The following RYR2 variants were observed in gnomAD, a reference collection of about 807,000 sequenced individuals.
The protein encoded by RYR2 is cardiac muscle ryanodine receptor-calcium release channel.
In RYR2, 227 loss-of-function variants were observed where a neutral mutation model predicts 601.1. The observed-to-expected ratio is 0.38, with a 90% confidence interval of 0.34 to 0.42. The LOEUF is 0.42. Among genes scored for constraint, RYR2 ranks in the 10% least tolerant of loss-of-function variants. The pLI is 1.00. For synonymous variants in RYR2, 2,223 were observed against 2,175.1 expected, an observed-to-expected ratio of 1.02 and a Z score of -0.61; for missense variants, 4,646 against 6,156.5, an observed-to-expected ratio of 0.75 and a Z score of 8.21.
chr1:237,173,173 C>CT (rs796477537), intron 1 of RYR2, among the ~76,000 whole-genome samples: 1,577 of 148,328 alleles, frequency 0.011, 10 homozygotes, highest in African/African-American at 0.028. Context: ...ACAAACTACT[C>CT]TTTTTTTTTT....
At chr1:237,269,057 T>TTTTTTTTTTTA (rs1689410141) in intron 1 of RYR2, among the ~76,000 whole-genome samples, 6 of 124,978 alleles carry the variant, frequency 4.8e-5, no homozygotes, top group African/African-American at 1.2e-4. Context: ...TTTTTTTTTT[T>TTTTTTTTTTTA]GTGAGACAGA....
intron 8 of RYR2, among the ~76,000 whole-genome samples, chr1:237,384,496 C>A (rs963296381): frequency 6.6e-6 from 1 of 152,262 alleles, no homozygotes; most frequent in Non-Finnish European, 1.5e-5. Flanking sequence ...CCCCTTATCA[C>A]ACATTCCCCT....
rs2149446568 is a variant in RYR2, at chr1:237,808,976, T to G, written c.14374T>G (p.Phe4792Val). Reference protein sequence around the residue: ...TVVAFNFFRKFYNKSEDGDTP... With the variant: ...TVVAFNFFRKVYNKSEDGDTP... ...GGTGGCATTCAATTTTTTCCGAAAATTCTACAATAAAAGTGAAGATGGTGA... is the reference window on the plus strand; with the variant it reads ...GGTGGCATTCAATTTTTTCCGAAAAGTCTACAATAAAAGTGAAGATGGTGA... The change falls in exon 100 of 105, where the codon TTC becomes GTC. Residue 4792 changes from phenylalanine (F) to valine (V), a missense_variant. By Grantham distance (50) the Phe-to-Val change is conservative. This residue lies in a region of RYR2 where 21 missense variants were observed against 24.8 expected (regional missense o/e 0.85). Coordinates refer to ENST00000366574, the MANE Select transcript of RYR2 (RefSeq NM_001035.3). 1 of 1,613,640 alleles carries G rather than the reference T, an allele frequency of 6.2e-7. No individual in the cohort carries two copies. The highest frequency in any genetic ancestry group is 1.1e-5 in the South Asian group (1 of 91,070).
chr1:237,380,439 G>A (rs1701409792), intron 8 of RYR2, among the ~76,000 whole-genome samples: 1 of 109,322 alleles, frequency 9.1e-6, no homozygotes, highest in Non-Finnish European at 1.8e-5. Context: ...ACGAAGTCTG[G>A]TGAGTATGAA....
chr1:237,387,211 T>A lies in RYR2; in HGVS notation c.577-70T>A, dbSNP rs1167031826. 4 of 1,360,188 alleles carry A rather than the reference T, an allele frequency of 2.9e-6. No homozygotes were observed. In the Admixed American group the frequency reaches 6.7e-5, roughly 23 times the overall value. 84.3% of individuals were successfully genotyped at this position (1,360,188 alleles called of 1,614,324 possible). ...CAAATCAGCAACGTTAAGTTTGCAT[T>A]CCTAGAAGCACTTACATGTTACAGC... On this transcript the variant is annotated intron_variant, in intron 8 of 104. Transcript: ENST00000366574.
chr1:237,103,134 T>C (rs577293633), intron 1 of RYR2, among the ~76,000 whole-genome samples: 1 of 152,320 alleles, frequency 6.6e-6, no homozygotes, highest in Admixed American at 6.5e-5. Flanking sequence ...TATGGATGTC[T>C]GAGGCCAGTA....
At chr1:237,808,687 AATAAAAT>A (rs1169810376) in intron 99 of RYR2, among the ~76,000 whole-genome samples, 2 of 151,818 alleles carry the variant, frequency 1.3e-5, no homozygotes, top group Non-Finnish European at 2.9e-5. Context: ...AATAAAATAA[AATAAAAT>A]AAAGTCTGAC....
At chr1:237,730,951 T>C (rs1299522710) in intron 77 of RYR2, among the ~76,000 whole-genome samples, 1 of 152,110 alleles carries the variant, frequency 6.6e-6, no homozygotes, top group East Asian at 1.9e-4. Context: ...TCAACAAAAT[T>C]TACAAGCCAT....
Position 237,148,553 on chromosome 1 carries a change from T to TATATATACAC in RYR2, c.48+105985_48+105986insTATATACACA, listed in dbSNP as rs71178397. On this transcript the variant is annotated intron_variant, in intron 1 of 104. Transcript: ENST00000366574. Reference sequence around the variant, plus strand: ...ATATATATATATATATATATATATATACACACACACATATATATATATATA... The same window carrying TATATATACAC: ...ATATATATATATATATATATATATATATATATACACACACACACACATATATATATATATA... 5.5e-3 allele frequency among the ~76,000 whole-genome samples: 577 copies of TATATATACAC among 105,382 alleles called. 2 individuals carry two copies. The highest frequency in any genetic ancestry group is 0.015 in the South Asian group (49 of 3,338). 69.1% of individuals were successfully genotyped at this position (105,382 alleles called of 152,430 possible). A position where few individuals can be genotyped will look rare whatever the true frequency, so the allele number is the denominator to read the frequency against.
In RYR2 at chr1:237,700,988, C is replaced by T. The variant is rs1250019394; in HGVS notation, c.9367+521C>T. 4.6e-5 allele frequency among the ~76,000 whole-genome samples: 7 copies of T among 152,198 alleles called. No homozygotes were observed. In the East Asian group the frequency reaches 1.4e-3, roughly 29 times the overall value. On this transcript the variant is annotated intron_variant, in intron 65 of 104. Coordinates refer to ENST00000366574, the MANE Select transcript of RYR2 (RefSeq NM_001035.3). ...GGAAGCTTTAATCTTCTGTTTTGGG[C>T]TGGCATTCAGTAGTTAATAAAACTA...
In RYR2 at chr1:237,785,221, C is replaced by T. The variant is rs181129363; in HGVS notation, c.13260+249C>T. Among the ~76,000 whole-genome samples, 333 of 152,252 alleles carry T rather than the reference C, an allele frequency of 2.2e-3. 2 individuals carry two copies. Among genetic ancestry groups the T allele is most frequent in the Non-Finnish European group, 3.4e-3 (228 of 68,020 alleles). ...TAACTGTAGCCTACATCTTTCTCCA[C>T]GTTTATATAATTTTATATGCACATT... is the stretch of plus-strand genomic sequence containing the variant. On this transcript the variant is annotated intron_variant, in intron 90 of 104. Coordinates refer to ENST00000366574, the MANE Select transcript of RYR2 (RefSeq NM_001035.3).
At chr1:237,107,287 T>A (rs2490346) in intron 1 of RYR2, among the ~76,000 whole-genome samples, 1 of 151,504 alleles carries the variant, frequency 6.6e-6, no homozygotes, top group East Asian at 2.0e-4. Flanking sequence ...TCTGGGAGGC[T>A]GAGGCGGGCG....
At chr1:237,048,035 C>T (rs1265362505) in intron 1 of RYR2, among the ~76,000 whole-genome samples, 1 of 152,196 alleles carries the variant, frequency 6.6e-6, no homozygotes, top group Non-Finnish European at 1.5e-5. Context: ...CTTCAAGCCT[C>T]TGTTTAGACT....
intron 34 of RYR2, among the ~76,000 whole-genome samples, chr1:237,601,022 C>A (rs868068131): frequency 3.2e-4 from 48 of 152,234 alleles, no homozygotes; most frequent in African/African-American, 1.1e-3. Context: ...TTATGAAAAA[C>A]AGTATGGAGG....
intron 22 of RYR2, among the ~76,000 whole-genome samples, chr1:237,504,196 T>TA (rs1558932933): frequency 6.6e-6 from 1 of 152,262 alleles, no homozygotes; most frequent in Admixed American, 6.5e-5. Flanking sequence ...AAGAGACTAC[T>TA]AAACAGGCTT....
At chr1:237,624,024 C>A (rs927377903) in intron 39 of RYR2, among the ~76,000 whole-genome samples, 154 bp downstream of exon 39, 3 of 152,096 alleles carry the variant, frequency 2.0e-5, no homozygotes, top group African/African-American at 7.2e-5. Context: ...GGCAAAATGG[C>A]AAAATAACTG....
At chr1:237,048,105 C>G (rs1660812403) in intron 1 of RYR2, among the ~76,000 whole-genome samples, 1 of 152,164 alleles carries the variant, frequency 6.6e-6, no homozygotes, top group Non-Finnish European at 1.5e-5. Context: ...GTTCGGTTCC[C>G]TAAGCGACTT....
At chr1:237,525,519 C>T (rs969766130) in intron 24 of RYR2, among the ~76,000 whole-genome samples, 5 of 151,864 alleles carry the variant, frequency 3.3e-5, no homozygotes, top group Non-Finnish European at 5.9e-5. Context: ...GGCATGATCT[C>T]GGCTGACTGA....
Position 237,042,333 on chromosome 1 carries a change from C to A in RYR2, c.-189C>A. 1 of 361,178 alleles carries A rather than the reference C, an allele frequency of 2.8e-6. No individual in the cohort carries two copies. The highest frequency in any genetic ancestry group is 4.4e-6 in the Non-Finnish European group (1 of 228,076). The allele number at this position is 361,178 out of a possible 1,614,324, so 22.4% of individuals were successfully genotyped here. A position where few individuals can be genotyped will look rare whatever the true frequency, so the allele number is the denominator to read the frequency against. The stretch of plus-strand genomic sequence containing the variant: ...AGGGAGGCCCCGCGCCTCGACCACC[C>A]GCGCCCGAGCGTCCGCGCCTCCTCC... On this transcript the variant is annotated 5_prime_UTR_variant, in exon 1 of 105. Coordinates refer to ENST00000366574, the MANE Select transcript of RYR2 (RefSeq NM_001035.3).
Sources: gnomAD v4.1 joint callset for allele counts (sites outside exome capture counted in the v4.1 genomes callset) on GRCh38, gnomAD v4.1.1 for gene constraint, gnomAD v4.1.1 regional missense constraint, MANE v1.5 for transcripts, NCBI Gene and HGNC (gene_info 2026-07-23, HGNC 2026-07-21) for gene names.